Variants in ANKS1A observed in about 807,000 individuals in gnomAD.
The protein encoded by ANKS1A is ankyrin repeat and sterile alpha motif domain containing 1A, also known as ankyrin repeat and SAM domain-containing protein 1A.
In ANKS1A, 55 loss-of-function variants were observed where a neutral mutation model predicts 120.3. The ratio of observed to expected loss-of-function variants is 0.46; its 90% CI spans 0.37 to 0.57. The LOEUF is 0.57. Among genes scored for constraint, ANKS1A ranks in the 20% least tolerant of loss-of-function variants. The pLI, the probability that ANKS1A is intolerant of heterozygous loss-of-function variation, is 0.00. For synonymous variants in ANKS1A, 590 were observed against 604.7 expected, an observed-to-expected ratio of 0.98 and a Z score of 0.36; for missense variants, 1,123 against 1,480.3, an observed-to-expected ratio of 0.76 and a Z score of 3.96.
intron 10 of ANKS1A, among the ~76,000 whole-genome samples, chr6:34,999,163 C>T (rs538198795): frequency 3.3e-4 from 50 of 152,240 alleles, no homozygotes; most frequent in Admixed American, 1.2e-3. Flanking sequence ...TGATCATCCA[C>T]GGTGTGCCTT....
intron 7 of ANKS1A, among the ~76,000 whole-genome samples, chr6:34,984,849 A>G (rs1375243501): frequency 1.3e-5 from 2 of 152,202 alleles, no homozygotes; most frequent in African/African-American, 4.8e-5. Flanking sequence ...TATCTCTTAT[A>G]GATGTCAATG....
At chr6:35,061,384 A>T (rs1776492008) in intron 13 of ANKS1A, among the ~76,000 whole-genome samples, 1 of 152,196 alleles carries the variant, frequency 6.6e-6, no homozygotes, top group African/African-American at 2.4e-5. Context: ...CTCCGAGGGG[A>T]TCTCTCTCAC....
intron 1 of ANKS1A, among the ~76,000 whole-genome samples, chr6:34,933,568 C>T (rs1259309126): frequency 2.6e-5 from 4 of 152,134 alleles, no homozygotes; most frequent in African/African-American, 4.8e-5. Flanking sequence ...CGGGGTTTCT[C>T]CATGTTGGTC....
intron 11 of ANKS1A, among the ~76,000 whole-genome samples, chr6:35,048,102 G>A (rs1775800996): frequency 6.6e-6 from 1 of 152,188 alleles, no homozygotes; most frequent in African/African-American, 2.4e-5. Context: ...AGAGCTCCGT[G>A]GCTTTCCTCT....
chr6:34,949,300 T>C (rs985713108), intron 1 of ANKS1A, among the ~76,000 whole-genome samples: 6 of 152,058 alleles, frequency 3.9e-5, no homozygotes, highest in African/African-American at 1.4e-4. Context: ...CCAAGGTATG[T>C]ATAAGAGTAG....
intron 3 of ANKS1A, among the ~76,000 whole-genome samples, chr6:34,974,379 A>C (rs146257871): frequency 0.012 from 193 of 16,150 alleles, no homozygotes; most frequent in African/African-American, 0.015. Flanking sequence ...TTCCCCTTCC[A>C]TTTCCCTTCC....
chr6:34,898,322 C>A (rs1767193253), intron 1 of ANKS1A, among the ~76,000 whole-genome samples: 1 of 152,136 alleles, frequency 6.6e-6, no homozygotes, highest in Admixed American at 6.5e-5. Flanking sequence ...AATCCAGGTC[C>A]ACAATCCTTT....
intron 13 of ANKS1A, among the ~76,000 whole-genome samples, 155 bp from the exon 14 acceptor site, chr6:35,078,403 G>A (rs538264466): frequency 6.6e-6 from 1 of 152,296 alleles, no homozygotes; most frequent in Admixed American, 6.5e-5. Flanking sequence ...CGCCCGGATG[G>A]ACGTGGGCAG....
intron 1 of ANKS1A, among the ~76,000 whole-genome samples, chr6:34,954,898 T>C (rs999125981): frequency 2.3e-4 from 35 of 152,148 alleles, no homozygotes; most frequent in African/African-American, 8.0e-4. Flanking sequence ...TATTTTAAAA[T>C]TTTAAACATC....
At chr6:34,922,650 C>T (rs1193866392) in intron 1 of ANKS1A, among the ~76,000 whole-genome samples, 1 of 150,870 alleles carries the variant, frequency 6.6e-6, no homozygotes, top group Non-Finnish European at 1.5e-5. Context: ...TGTGAGCAAA[C>T]TTGTGCAGAG....
intron 1 of ANKS1A, among the ~76,000 whole-genome samples, chr6:34,918,793 C>CAT: frequency 6.6e-6 from 1 of 152,192 alleles, no homozygotes; most frequent in Middle Eastern, 3.4e-3. Context: ...GTAACTATAG[C>CAT]ATATTGACTG....
At chr6:35,039,417 GA>G (rs2127576128) in intron 11 of ANKS1A, among the ~76,000 whole-genome samples, 1 of 152,198 alleles carries the variant, frequency 6.6e-6, no homozygotes, top group Non-Finnish European at 1.5e-5. Context: ...GGCTGGTCTT[GA>G]ACTCCCGACC....
intron 11 of ANKS1A, among the ~76,000 whole-genome samples, chr6:35,043,022 C>T (rs1175427852): frequency 6.6e-6 from 1 of 152,116 alleles, no homozygotes; most frequent in African/African-American, 2.4e-5. Flanking sequence ...AATATGTCTG[C>T]GAGACTTGGA....
intron 1 of ANKS1A, among the ~76,000 whole-genome samples, chr6:34,899,031 T>G (rs778164630): frequency 1.3e-5 from 2 of 152,210 alleles, no homozygotes; most frequent in Non-Finnish European, 2.9e-5. Context: ...AGTTTCAACA[T>G]TCAGCCATTG....
At position 35,082,081 on chromosome 6, in the gene ANKS1A, A is replaced by G. The variant is rs1777714544; in HGVS notation, c.2710-610A>G. Among the ~76,000 whole-genome samples, 1 of 152,080 alleles carries G rather than the reference A, an allele frequency of 6.6e-6. No individual in the cohort carries two copies. Among genetic ancestry groups the G allele is most frequent in the Admixed American group, 6.5e-5 (1 of 15,278 alleles). ...TTGAGAGGCTCTGCGCACTGCTGGG[A>G]AGGGAGGGCCTCCGTGTTTCCTGAA... On this transcript the variant is annotated intron_variant, in intron 17 of 23. Coordinates refer to ENST00000360359, the MANE Select transcript of ANKS1A (RefSeq NM_015245.3). The surrounding 1 kb of genome is among the most constrained non-coding windows in gnomAD (Gnocchi z 4.1).
At chr6:34,964,344 G>A (rs144713943) in intron 1 of ANKS1A, among the ~76,000 whole-genome samples, 89 of 152,194 alleles carry the variant, frequency 5.8e-4, no homozygotes, top group African/African-American at 2.0e-3. Flanking sequence ...AATACAGAAC[G>A]CAATAGGAAA....
chr6:35,011,453 GACAGGT>G (rs1459872496), intron 10 of ANKS1A, among the ~76,000 whole-genome samples: 1 of 152,166 alleles, frequency 6.6e-6, no homozygotes, highest in African/African-American at 2.4e-5. Context: ...GAGGTCCAAT[GACAGGT>G]AGAGAACAGA....
intron 10 of ANKS1A, chr6:35,005,854 A>C (rs1461733474): frequency 5.1e-6 from 2 of 392,198 alleles, no homozygotes; most frequent in Non-Finnish European, 9.8e-6. Flanking sequence ...GGAGTTTGAG[A>C]CCAGCCTGGC....
intron 11 of ANKS1A, among the ~76,000 whole-genome samples, chr6:35,030,066 C>T (rs945203999): frequency 2.0e-5 from 3 of 152,080 alleles, no homozygotes; most frequent in Non-Finnish European, 4.4e-5. Context: ...GACTTGCCTA[C>T]GGTCTTAGGG....
Sources: allele counts gnomAD v4.1 joint callset (sites outside exome capture counted in the v4.1 genomes callset), GRCh38; gene constraint gnomAD v4.1.1; non-coding constraint Gnocchi (gnomAD v3.1); transcripts MANE v1.5; gene names NCBI Gene and HGNC (gene_info 2026-07-23, HGNC 2026-07-21).